CLPTM1L: variants seen among roughly 807,000 people sequenced by gnomAD.
CLPTM1L encodes the protein lipid scramblase CLPTM1L.
In CLPTM1L, 38 loss-of-function variants were observed where a neutral mutation model predicts 70.9. The ratio of observed to expected loss-of-function variants is 0.54; its 90% CI spans 0.41 to 0.70. The LOEUF is 0.70. Ranked by LOEUF, CLPTM1L falls within the 30% of genes least tolerant of loss-of-function variation. The pLI, the probability that CLPTM1L is intolerant of heterozygous loss-of-function variation, is 0.00. For missense variants in CLPTM1L, 652 were observed against 705.9 expected (o/e 0.92, Z 0.87); for synonymous variants, 339 against 299.9 (o/e 1.13, Z -1.35).
intron 6 of CLPTM1L, 152 bp from the exon 7 acceptor site, chr5:1,334,535 C>T (rs992374258): frequency 6.7e-6 from 4 of 600,836 alleles, no homozygotes; most frequent in Admixed American, 6.0e-5. Flanking sequence ...AGGCAGATCA[C>T]TTGAAGTCAG....
chr5:1,332,126 A>G (rs1561241942), intron 7 of CLPTM1L: 1 of 516,454 alleles, frequency 1.9e-6, no homozygotes, highest in Admixed American at 3.2e-5. Flanking sequence ...TTTGACTTGA[A>G]CTGCTGGAAA....
At position 1,338,253 on chromosome 5, in the gene CLPTM1L, G is replaced by T. The variant is rs917470551; in HGVS notation, c.600-271C>A. 6 of 535,582 alleles carry T rather than the reference G, an allele frequency of 1.1e-5. No individual in the cohort carries two copies. In the African/African-American group the frequency reaches 1.1e-4, roughly 10 times the overall value. The allele number at this position is 535,582 out of a possible 1,614,324, so 33.2% of individuals were successfully genotyped here. A position where few individuals can be genotyped will look rare whatever the true frequency, so the allele number is the denominator to read the frequency against. On this transcript the variant is annotated intron_variant, in intron 4 of 16. Transcript: ENST00000320895. The stretch of plus-strand genomic sequence containing the variant: ...CCACTAGGAGCGGGGGAATTACAGG[G>T]ACACGGCCGTACAGCAGAACCCAGG...
intron 10 of CLPTM1L, 143 bp from the exon 11 acceptor site, chr5:1,324,956 G>A: frequency 2.8e-6 from 2 of 708,470 alleles, no homozygotes; most frequent in Non-Finnish European, 5.0e-6. Context: ...TACCAGGCGA[G>A]GAGAGGACCC....
chr5:1,325,273 G>A, intron 10 of CLPTM1L: 1 of 247,362 alleles, frequency 4.0e-6, no homozygotes, highest in Non-Finnish European at 7.8e-6. Flanking sequence ...CTCAATCAAG[G>A]TCCATCCGTG....
At chr5:1,341,588 C>T (rs911908361) in intron 3 of CLPTM1L, 83 bp downstream of exon 3, 6 of 1,233,892 alleles carry the variant, frequency 4.9e-6, no homozygotes, top group Non-Finnish European at 6.8e-6. Flanking sequence ...GAGCCCTAGA[C>T]ATCGCCCACC....
chr5:1,337,199 GCAC>G (rs927444922), intron 5 of CLPTM1L, among the ~76,000 whole-genome samples: 3 of 152,232 alleles, frequency 2.0e-5, no homozygotes, highest in Non-Finnish European at 4.4e-5. Context: ...ACAGCTCCCA[GCAC>G]CACAATTACG....
Position 1,335,317 on chromosome 5 carries a change from G to A in CLPTM1L, c.679-143C>T, listed in dbSNP as rs376007679. 497 of 698,864 alleles carry A rather than the reference G, an allele frequency of 7.1e-4. 2 individuals are homozygous for A. The African/African-American group carries it at 7.6e-3, about 11-fold the overall frequency. 43.3% of individuals were successfully genotyped at this position (698,864 alleles called of 1,614,324 possible). A position where few individuals can be genotyped will look rare whatever the true frequency, so the allele number is the denominator to read the frequency against. On this transcript the variant is annotated intron_variant, in intron 5 of 16. Transcript: ENST00000320895. ...TGACTGGGCCCAGCAAGCATCCCCC[G>A]GTCCCTCCTTCTGTCACCACAGGCC...
At chr5:1,325,464 C>T (rs1002575172) in intron 10 of CLPTM1L, 22 of 492,302 alleles carry the variant, frequency 4.5e-5, no homozygotes, top group Middle Eastern at 1.1e-3. Flanking sequence ...GGTGCCAAAA[C>T]GAAGCACACG....
At chr5:1,336,719 G>A (rs1034215458) in intron 5 of CLPTM1L, among the ~76,000 whole-genome samples, 2 of 152,210 alleles carry the variant, frequency 1.3e-5, no homozygotes, top group South Asian at 2.1e-4. Context: ...AGGCTGCAGC[G>A]CCAGACCTGC....
chr5:1,327,899 A>T (rs1334881954), intron 9 of CLPTM1L, among the ~76,000 whole-genome samples: 39 of 102,830 alleles, frequency 3.8e-4, no homozygotes, highest in African/African-American at 1.3e-3. Context: ...GGGACATTCC[A>T]TCCAGCTCCT....
chr5:1,326,782 CTACA>C (rs1297402480), intron 9 of CLPTM1L, among the ~76,000 whole-genome samples: 1 of 150,660 alleles, frequency 6.6e-6, no homozygotes, highest in Non-Finnish European at 1.5e-5. Flanking sequence ...AGCTCCTCCT[CTACA>C]GGGACATTTC....
chr5:1,321,485 T>C, intron 15 of CLPTM1L, 150 bp downstream of exon 15: 1 of 701,232 alleles, frequency 1.4e-6, no homozygotes, highest in Non-Finnish European at 2.5e-6. Flanking sequence ...CTTTTTTTTT[T>C]AAAGGAGCCT....
rs750922008 is a variant in CLPTM1L, at chr5:1,334,333, T to C, written c.847A>G (p.Asn283Asp). ...DEVKGIFVDT[N>D]LYFLALTFFV... ...AAGGTCAGCGCCAGGAAGTATAAGT[T>C]GGTATCTACAAAAATTCCTTTCACC... is the stretch of plus-strand genomic sequence containing the variant. The change falls in exon 7 of 17, where the codon AAC becomes GAC. Residue 283 changes from asparagine (N) to aspartate (D), a missense_variant. By Grantham distance (23) the Asn-to-Asp change is conservative. Around this residue, in one of 3 missense-constraint regions of CLPTM1L, gnomAD observed 402 missense variants for 388.2 expected, o/e 1.04. Transcript: ENST00000320895. The C allele has an allele frequency of 2.5e-6, 4 of 1,613,924 alleles. No individual in the cohort carries two copies. Among genetic ancestry groups the C allele is most frequent in the Non-Finnish European group, 2.5e-6 (3 of 1,179,858 alleles).
At chr5:1,324,611 G>A in intron 11 of CLPTM1L, 152 bp downstream of exon 11, 5 of 742,720 alleles carry the variant, frequency 6.7e-6, no homozygotes, top group Non-Finnish European at 4.6e-6. Flanking sequence ...AGAAATTTGG[G>A]TTTTATGTGT....
chr5:1,325,599 G>C (rs147452567), intron 10 of CLPTM1L, 152 bp downstream of exon 10: 14 of 682,958 alleles, frequency 2.0e-5, no homozygotes, highest in Non-Finnish European at 3.7e-5. Context: ...GAGTGGCTGC[G>C]ATCAGAAACC....
rs139068003 is a variant in CLPTM1L at position 1,323,814 on chromosome 5, T to C, written c.1253A>G (p.Tyr418Cys). Residue 418 changes from tyrosine to cysteine, a missense_variant, in exon 12 of 17, where the codon TAT becomes TGT. By Grantham distance (194) the Tyr-to-Cys change is radical. Transcript: ENST00000320895. ...CTTATATTTGATATTCAGGAGTGAATAGACAGCACCCCCGACACAGAGAGG... is the reference window on the plus strand; with the variant it reads ...CTTATATTTGATATTCAGGAGTGAACAGACAGCACCCCCGACACAGAGAGG... ...LYPLCVGGAVYSLLNIKYKSW... is the reference protein window; with the variant it reads ...LYPLCVGGAVCSLLNIKYKSW... 4.8e-5 allele frequency: 78 copies of C among 1,613,440 alleles called. No homozygotes were observed. The highest frequency in any genetic ancestry group is 1.1e-4 in the East Asian group (5 of 44,886).
intron 10 of CLPTM1L, chr5:1,325,128 A>T: frequency 4.4e-6 from 2 of 458,946 alleles, no homozygotes; most frequent in Non-Finnish European, 7.8e-6. Flanking sequence ...AGGCACAGCC[A>T]ACACTGCTCC....
At chr5:1,325,034 G>C (rs1235193788) in intron 10 of CLPTM1L, 3 of 597,220 alleles carry the variant, frequency 5.0e-6, no homozygotes, top group Non-Finnish European at 6.0e-6. Flanking sequence ...GCCTGATGGG[G>C]GCAACGCGGC....
intron 4 of CLPTM1L, 52 bp downstream of exon 4, chr5:1,338,808 C>T: frequency 1.2e-6 from 2 of 1,605,224 alleles, no homozygotes; most frequent in African/African-American, 1.3e-5. Flanking sequence ...TTCTGGCCAG[C>T]CAGGGTCCCA....
Sources: allele counts gnomAD v4.1 joint callset (sites outside exome capture counted in the v4.1 genomes callset), GRCh38; gene constraint gnomAD v4.1.1; regional missense constraint gnomAD v4.1.1; transcripts MANE v1.5; gene names NCBI Gene and HGNC (gene_info 2026-07-23, HGNC 2026-07-21).